Variants in CELF2 observed in about 807,000 individuals in gnomAD.
The protein encoded by CELF2 is CUG triplet repeat RNA-binding protein 2.
A neutral mutation model predicts 62.6 loss-of-function variants in CELF2; 8 were observed. That is an observed-to-expected ratio of 0.13 (90% CI 0.07 to 0.23). The LOEUF is 0.23. CELF2 is among the 10% of genes least tolerant of loss of function. CELF2 has a pLI of 1.00. For synonymous variants in CELF2, 258 were observed against 250.0 expected (o/e 1.03, Z -0.30); for missense variants, 333 against 671.0 (o/e 0.50, Z 5.56).
intron 1 of CELF2, among the ~76,000 whole-genome samples, chr10:11,151,561 TACCGTATAC>T (rs1335662544): frequency 2.0e-5 from 3 of 152,190 alleles, no homozygotes; most frequent in African/African-American, 7.2e-5. Flanking sequence ...GATGTATCAG[TACCGTATAC>T]ACAGGGGACC....
chr10:10,817,533 G>A (rs1047985094), intron 1 of CELF2, among the ~76,000 whole-genome samples: 1 of 151,810 alleles, frequency 6.6e-6, no homozygotes, highest in Admixed American at 6.6e-5. Context: ...GAGTTCAATT[G>A]TTTTGATTTT....
intron 1 of CELF2, among the ~76,000 whole-genome samples, chr10:10,887,764 G>A (rs2061854829): frequency 6.6e-6 from 1 of 151,172 alleles, no homozygotes; most frequent in South Asian, 2.1e-4. Context: ...ATTGTTCTGT[G>A]TAGACTTTTA....
At chr10:10,926,584 C>T (rs1320376375) in intron 2 of CELF2, among the ~76,000 whole-genome samples, 1 of 152,184 alleles carries the variant, frequency 6.6e-6, no homozygotes, top group Non-Finnish European at 1.5e-5. Context: ...GTTGATAAGG[C>T]GCACCTCATG....
intron 2 of CELF2, chr10:10,952,058 C>T (rs939581838): frequency 3.3e-5 from 5 of 152,252 alleles, no homozygotes; most frequent in African/African-American, 7.2e-5. Context: ...ACCCACTGCC[C>T]GAGCATCATG....
rs534651105 is a variant in CELF2 at position 11,182,694 on chromosome 10, G to A, written c.271+17012G>A. On this transcript the variant is annotated intron_variant, in intron 2 of 12. Coordinates refer to ENST00000633077, the MANE Select transcript of CELF2 (RefSeq NM_001326342.2). ...TCCCTACCACCCCATGTTTTAAGCT[G>A]CCCCTTTTAATTAGACATTCTGCCA... is the stretch of plus-strand genomic sequence containing the variant. Among the ~76,000 whole-genome samples, 14 of 152,300 alleles carry A rather than the reference G, an allele frequency of 9.2e-5. No individual in the cohort carries two copies. In the East Asian group the frequency reaches 2.5e-3, roughly 27 times the overall value.
chr10:10,615,630 C>CT, the CELF2 span, among the ~76,000 whole-genome samples: 5 of 152,078 alleles, frequency 3.3e-5, no homozygotes, highest in African/African-American at 1.2e-4. Flanking sequence ...CAGATTTCCC[C>CT]TTTGCTGTTC....
chr10:11,257,826 G>C lies in CELF2; in HGVS notation c.492G>C (p.Gln164His). The C allele has an allele frequency of 6.2e-7, 1 of 1,614,246 alleles. No homozygotes were observed. Among genetic ancestry groups the C allele is most frequent in the Non-Finnish European group, 8.5e-7 (1 of 1,180,034 alleles). The change falls in exon 5 of 13, where the codon CAG (glutamine) becomes CAC (histidine). Residue 164 changes from glutamine (Q) to histidine (H), a missense_variant. By Grantham distance (24) the Gln-to-His change is conservative. Transcript: ENST00000633077. Reference sequence around the variant, plus strand: ...GGGTGATGTTCTCTCCATTTGGCCAGATAGAAGAATGCCGGATCCTCCGGG... The same window carrying C: ...GGGTGATGTTCTCTCCATTTGGCCACATAGAAGAATGCCGGATCCTCCGGG... The part of the protein sequence containing the change: ...DIRVMFSPFG[Q>H]IEECRILRGP...
At chr10:11,320,242 G>C (rs1416200902) in intron 10 of CELF2, among the ~76,000 whole-genome samples, 1 of 152,160 alleles carries the variant, frequency 6.6e-6, no homozygotes, top group African/African-American at 2.4e-5. Flanking sequence ...AGCCACCCCA[G>C]TAGAGCCAAA....
At chr10:11,093,056 A>C (rs2048764682) in intron 1 of CELF2, among the ~76,000 whole-genome samples, 1 of 152,246 alleles carries the variant, frequency 6.6e-6, no homozygotes. Flanking sequence ...GATTGGCATC[A>C]GTCTTAATTT....
At position 11,290,826 on chromosome 10, in the gene CELF2, G is replaced by A. The variant is rs2092417770; in HGVS notation, c.976+2274G>A. Among the ~76,000 whole-genome samples, 1 of 152,188 alleles carries A rather than the reference G, an allele frequency of 6.6e-6. No individual in the cohort carries two copies. Among genetic ancestry groups the A allele is most frequent in the Middle Eastern group, 3.2e-3 (1 of 316 alleles). ...GGAATGCTTTGCATAATAACTGAAA[G>A]TATTTTATTAGAATCCTAAAGTGTA... is the stretch of plus-strand genomic sequence containing the variant. On this transcript the variant is annotated intron_variant, in intron 9 of 12. Coordinates refer to ENST00000633077, the MANE Select transcript of CELF2 (RefSeq NM_001326342.2). This position sits in a 1 kb window ranked among gnomAD's most constrained non-coding sequence, Gnocchi z 4.3.
the CELF2 span, among the ~76,000 whole-genome samples, chr10:10,689,891 A>T: frequency 1.3e-5 from 2 of 152,248 alleles, no homozygotes; most frequent in African/African-American, 4.8e-5. Flanking sequence ...CAAACATGAA[A>T]TCCCACAGGA....
At chr10:10,476,957 A>G in the CELF2 span, among the ~76,000 whole-genome samples, 58 of 152,160 alleles carry the variant, frequency 3.8e-4, no homozygotes, top group African/African-American at 1.4e-3. Context: ...CTCAGGTATT[A>G]TAAGGACCGA....
At chr10:10,691,006 A>AT in the CELF2 span, among the ~76,000 whole-genome samples, 43,033 of 151,630 alleles carry the variant, frequency 0.28, 6,269 homozygotes, top group South Asian at 0.47. Flanking sequence ...GATTATGGTG[A>AT]TTTTTTTTTA....
chr10:10,624,295 A>G, the CELF2 span, among the ~76,000 whole-genome samples: 8 of 152,182 alleles, frequency 5.3e-5, no homozygotes, highest in African/African-American at 1.9e-4. Flanking sequence ...TACAGTCCTC[A>G]ACTAGAAATG....
intron 1 of CELF2, among the ~76,000 whole-genome samples, chr10:10,871,818 A>C (rs2060768509): frequency 6.6e-6 from 1 of 152,194 alleles, no homozygotes; most frequent in African/African-American, 2.4e-5. Flanking sequence ...TAGTGAAAAG[A>C]GGCAAACATT....
At chr10:11,301,556 C>T (rs992633370) in intron 9 of CELF2, among the ~76,000 whole-genome samples, 1 of 138,086 alleles carries the variant, frequency 7.2e-6, no homozygotes, top group South Asian at 2.5e-4. Flanking sequence ...CCCCGACTCC[C>T]GTTCCAGTGA....
At chr10:10,720,815 T>A in the CELF2 span, among the ~76,000 whole-genome samples, 3 of 152,212 alleles carry the variant, frequency 2.0e-5, no homozygotes, top group Non-Finnish European at 4.4e-5. Flanking sequence ...TGGCTGGGCT[T>A]TTGCCTGAGG....
At chr10:11,183,174 G>GT (rs924675315) in intron 2 of CELF2, among the ~76,000 whole-genome samples, 26 of 152,240 alleles carry the variant, frequency 1.7e-4, no homozygotes, top group African/African-American at 5.8e-4. Flanking sequence ...ACTTTCTGTT[G>GT]TATGTGGTTA....
intron 8 of CELF2, among the ~76,000 whole-genome samples, chr10:11,278,635 G>A (rs2139078425): frequency 6.6e-6 from 1 of 152,236 alleles, no homozygotes; most frequent in African/African-American, 2.4e-5. Context: ...TTTTAACAAA[G>A]CTCCTTTTAA....
Sources: allele counts gnomAD v4.1 joint callset (sites outside exome capture counted in the v4.1 genomes callset), GRCh38; gene constraint gnomAD v4.1.1; non-coding constraint Gnocchi (gnomAD v3.1); transcripts MANE v1.5; gene names NCBI Gene and HGNC (gene_info 2026-07-23, HGNC 2026-07-21).